The following CLSTN2 variants were observed in gnomAD, a reference collection of about 807,000 sequenced individuals.
CLSTN2 encodes calsyntenin-2.
CLSTN2 carries 48 observed loss-of-function variants against 101.2 expected under a neutral mutation model. That is an observed-to-expected ratio of 0.47 (90% CI 0.38 to 0.60). The LOEUF is 0.60. Ranked by LOEUF, CLSTN2 falls within the 20% of genes least tolerant of loss-of-function variation. CLSTN2 has a pLI of 0.00. For synonymous variants in CLSTN2, 481 were observed against 463.6 expected (o/e 1.04, Z -0.48); for missense variants, 1,160 against 1,238.2 (o/e 0.94, Z 0.95).
chr3:140,247,767 G>A (rs529909840), intron 2 of CLSTN2, among the ~76,000 whole-genome samples: 1 of 152,192 alleles, frequency 6.6e-6, no homozygotes, highest in East Asian at 1.9e-4. Context: ...CCTAGAGAAA[G>A]CTTTTGTCTC....
intron 2 of CLSTN2, among the ~76,000 whole-genome samples, chr3:140,299,495 T>A (rs1419079929): frequency 6.6e-6 from 1 of 152,218 alleles, no homozygotes; most frequent in Non-Finnish European, 1.5e-5. Context: ...ACTGTAACGT[T>A]TCATTCGTGT....
intron 8 of CLSTN2, among the ~76,000 whole-genome samples, chr3:140,503,986 C>A (rs1295344929): frequency 6.6e-6 from 1 of 152,090 alleles, no homozygotes; most frequent in Non-Finnish European, 1.5e-5. Flanking sequence ...CAAAACTGCC[C>A]TCCCCTTAGC....
At chr3:140,185,576 A>C (rs1307477918) in intron 2 of CLSTN2, among the ~76,000 whole-genome samples, 2 of 152,192 alleles carry the variant, frequency 1.3e-5, no homozygotes, top group Non-Finnish European at 2.9e-5. Context: ...AGGGGTGGGC[A>C]CCTGACCCAA....
chr3:140,442,425 G>T (rs918044760), intron 5 of CLSTN2, among the ~76,000 whole-genome samples: 2 of 152,106 alleles, frequency 1.3e-5, no homozygotes, highest in African/African-American at 4.8e-5. Context: ...AAAGCCTTGT[G>T]CCCACAGTTT....
chr3:140,184,369 A>G (rs1413792009), intron 2 of CLSTN2, among the ~76,000 whole-genome samples: 1 of 152,134 alleles, frequency 6.6e-6, no homozygotes, highest in Non-Finnish European at 1.5e-5. Context: ...AGGAAACTTA[A>G]ACTCATGGCA....
At chr3:140,053,483 T>C (rs2008040983) in intron 1 of CLSTN2, among the ~76,000 whole-genome samples, 1 of 152,106 alleles carries the variant, frequency 6.6e-6, no homozygotes, top group African/African-American at 2.4e-5. Flanking sequence ...TTAACAAAAG[T>C]GTACAGCAGC....
chr3:139,958,291 T>C (rs993931131), intron 1 of CLSTN2, among the ~76,000 whole-genome samples: 4 of 152,194 alleles, frequency 2.6e-5, no homozygotes, highest in African/African-American at 9.6e-5. Flanking sequence ...TGCTGGCCAC[T>C]CTTGGGAGGG....
intron 1 of CLSTN2, among the ~76,000 whole-genome samples, chr3:140,117,212 T>C (rs775913572): frequency 1.3e-5 from 2 of 152,168 alleles, no homozygotes; most frequent in Admixed American, 6.5e-5. Context: ...ACCTCTACCC[T>C]GCCCGCCGTG....
chr3:140,513,843 T>G (rs892822115), intron 8 of CLSTN2, among the ~76,000 whole-genome samples: 1 of 152,028 alleles, frequency 6.6e-6, no homozygotes, highest in Admixed American at 6.6e-5. Flanking sequence ...GGGATTCAAT[T>G]TCTTCCTGGT....
chr3:139,998,336 C>CTTTTTTTTTTTTTTTTTTTTTTTT lies in CLSTN2; in HGVS notation c.109+62873_109+62874insTTTTTTTTTTTTTTTTTTTTTTTT, dbSNP rs60541490. 1.4e-3 allele frequency among the ~76,000 whole-genome samples: 91 copies of CTTTTTTTTTTTTTTTTTTTTTTTT among 66,812 alleles called. 16 individuals carry two copies. Among genetic ancestry groups the CTTTTTTTTTTTTTTTTTTTTTTTT allele is most frequent in the Non-Finnish European group, 1.6e-3 (68 of 41,570 alleles). 43.8% of individuals were successfully genotyped at this position (66,812 alleles called of 152,430 possible). A position where few individuals can be genotyped will look rare whatever the true frequency, so the allele number is the denominator to read the frequency against. On this transcript the variant is annotated intron_variant, in intron 1 of 16. Transcript: ENST00000458420. ...ATGGGATAATAGTTCCCCCACATGC[C>CTTTTTTTTTTTTTTTTTTTTTTTT]TTTTTTTTTTTTTTTTTTTTGTGAC...
intron 2 of CLSTN2, among the ~76,000 whole-genome samples, chr3:140,349,090 C>T (rs907499806): frequency 1.3e-4 from 20 of 152,128 alleles, no homozygotes; most frequent in Non-Finnish European, 4.4e-5. Flanking sequence ...TGATAGTGAG[C>T]GAGTTCTTAT....
intron 2 of CLSTN2, among the ~76,000 whole-genome samples, chr3:140,199,048 A>G (rs1016020208): frequency 1.3e-5 from 2 of 152,188 alleles, no homozygotes; most frequent in Non-Finnish European, 2.9e-5. Context: ...CTCATATTCC[A>G]TGGAGATTCT....
chr3:140,567,538 C>A lies in CLSTN2; in HGVS notation c.*1285C>A, dbSNP rs1256479634. The A allele has an allele frequency of 6.6e-6, 1 of 152,200 alleles. No individual in the cohort carries two copies. Among genetic ancestry groups the A allele is most frequent in the Admixed American group, 6.5e-5 (1 of 15,288 alleles). The allele number at this position is 152,200 out of a possible 1,614,324, so 9.4% of individuals were successfully genotyped here. A position where few individuals can be genotyped will look rare whatever the true frequency, so the allele number is the denominator to read the frequency against. On this transcript the variant is annotated 3_prime_UTR_variant, in exon 17 of 17. Transcript: ENST00000458420. Reference sequence around the variant, plus strand: ...TCTTTTCCATCTCCATCCTAACATGCACAACCTGTGAAGAGAATTGTTTCT... The same window carrying A: ...TCTTTTCCATCTCCATCCTAACATGAACAACCTGTGAAGAGAATTGTTTCT...
chr3:139,993,955 T>A (rs1022793400), intron 1 of CLSTN2, among the ~76,000 whole-genome samples: 1 of 152,200 alleles, frequency 6.6e-6, no homozygotes, highest in African/African-American at 2.4e-5. Context: ...AGCTATTTTC[T>A]GGGAGCTGCC....
intron 1 of CLSTN2, among the ~76,000 whole-genome samples, chr3:140,085,973 A>C (rs2008674557): frequency 6.6e-6 from 1 of 152,210 alleles, no homozygotes; most frequent in South Asian, 2.1e-4. Flanking sequence ...CTTCAGATGC[A>C]CATTGACCTG....
intron 2 of CLSTN2, among the ~76,000 whole-genome samples, chr3:140,374,002 C>T (rs1216175718): frequency 2.0e-5 from 3 of 152,236 alleles, no homozygotes; most frequent in South Asian, 2.1e-4. Flanking sequence ...GCCCTTGTCA[C>T]TGAGCCTGGA....
chr3:140,516,423 T>C (rs979236961), intron 8 of CLSTN2, among the ~76,000 whole-genome samples: 4 of 152,330 alleles, frequency 2.6e-5, no homozygotes, highest in Non-Finnish European at 4.4e-5. Flanking sequence ...TTTTGTTTTA[T>C]AGATTCTGTG....
chr3:140,471,380 C>T (rs1933843475), intron 8 of CLSTN2, among the ~76,000 whole-genome samples: 3 of 152,300 alleles, frequency 2.0e-5, no homozygotes, highest in East Asian at 3.9e-4. Context: ...TATGGGAAGA[C>T]ACAGCTTGAG....
At chr3:140,485,228 C>T (rs1934211850) in intron 8 of CLSTN2, among the ~76,000 whole-genome samples, 1 of 152,222 alleles carries the variant, frequency 6.6e-6, no homozygotes, top group Non-Finnish European at 1.5e-5. Flanking sequence ...CCACTCCAGA[C>T]CCTGTTTTCC....
Sources: gnomAD v4.1 joint callset for allele counts (sites outside exome capture counted in the v4.1 genomes callset) on GRCh38, gnomAD v4.1.1 for gene constraint, MANE v1.5 for transcripts, NCBI Gene and HGNC (gene_info 2026-07-23, HGNC 2026-07-21) for gene names.